PRKCB: variants seen among roughly 807,000 people sequenced by gnomAD.
PRKCB encodes protein kinase C beta.
PRKCB carries 13 observed loss-of-function variants against 81.5 expected under a neutral mutation model. That is an observed-to-expected ratio of 0.16 (90% CI 0.10 to 0.25). PRKCB has a LOEUF of 0.25. PRKCB is among the 10% of genes least tolerant of loss of function. The pLI is 1.00. For synonymous variants in PRKCB, 335 were observed against 321.4 expected, an observed-to-expected ratio of 1.04 and a Z score of -0.45; for missense variants, 509 against 875.7, an observed-to-expected ratio of 0.58 and a Z score of 5.29.
chr16:24,095,257 T>C (rs1966425860), intron 7 of PRKCB, among the ~76,000 whole-genome samples: 1 of 152,014 alleles, frequency 6.6e-6, no homozygotes, highest in Admixed American at 6.5e-5. Flanking sequence ...ACAGAGTTTT[T>C]TTATGACTCA....
chr16:24,176,436 T>C (rs1212694275), intron 12 of PRKCB, among the ~76,000 whole-genome samples: 1 of 152,124 alleles, frequency 6.6e-6, no homozygotes, highest in East Asian at 1.9e-4. Flanking sequence ...ATTTAAATTT[T>C]AAATAGTATG....
intron 2 of PRKCB, among the ~76,000 whole-genome samples, chr16:23,962,508 C>G (rs1964439550): frequency 6.6e-6 from 1 of 152,230 alleles, no homozygotes; most frequent in Non-Finnish European, 1.5e-5. Context: ...TTGGGAACCT[C>G]TAACCTGGTC....
intron 2 of PRKCB, among the ~76,000 whole-genome samples, chr16:23,961,577 C>G (rs1345506607): frequency 6.6e-6 from 1 of 152,188 alleles, no homozygotes; most frequent in Non-Finnish European, 1.5e-5. Context: ...GGGTTTCATT[C>G]TCATTGGCCT....
intron 2 of PRKCB, among the ~76,000 whole-genome samples, chr16:23,982,494 C>T (rs1439418797): frequency 1.3e-5 from 2 of 151,678 alleles, no homozygotes; most frequent in African/African-American, 2.4e-5. Context: ...TAACACAGCT[C>T]ACTACAGCCT....
chr16:23,926,095 T>G (rs1963892574), intron 2 of PRKCB, among the ~76,000 whole-genome samples: 1 of 151,836 alleles, frequency 6.6e-6, no homozygotes, highest in Non-Finnish European at 1.5e-5. Flanking sequence ...AGCAACTTGG[T>G]GAGACTCCGG....
chr16:24,105,781 G>A (rs962807573), intron 7 of PRKCB, among the ~76,000 whole-genome samples: 1 of 152,146 alleles, frequency 6.6e-6, no homozygotes, highest in Non-Finnish European at 1.5e-5. Flanking sequence ...TATCATTGAT[G>A]GGCATTTGGG....
At chr16:24,176,866 C>T (rs1490249667) in intron 12 of PRKCB, among the ~76,000 whole-genome samples, 1 of 150,634 alleles carries the variant, frequency 6.6e-6, no homozygotes, top group Non-Finnish European at 1.5e-5. Flanking sequence ...TGCACTCCAA[C>T]CTGGGCAACA....
intron 14 of PRKCB, 127 bp downstream of exon 14, chr16:24,185,318 GTCA>G: frequency 8.4e-7 from 1 of 1,189,068 alleles, no homozygotes; most frequent in Non-Finnish European, 1.2e-6. Flanking sequence ...CGGCCTTGGG[GTCA>G]TACAAGTCTG....
intron 9 of PRKCB, among the ~76,000 whole-genome samples, chr16:24,152,935 C>T (rs1967101058): frequency 6.6e-6 from 1 of 152,100 alleles, no homozygotes; most frequent in Middle Eastern, 3.4e-3. Context: ...CTAAGGTGTC[C>T]CAAATCCCTG....
intron 5 of PRKCB, among the ~76,000 whole-genome samples, chr16:24,072,618 G>C (rs1303382986): frequency 6.7e-6 from 1 of 148,302 alleles, no homozygotes; most frequent in Non-Finnish European, 1.5e-5. Flanking sequence ...TTTCCCTCTT[G>C]TCACCCAGGC....
intron 2 of PRKCB, among the ~76,000 whole-genome samples, chr16:23,882,021 T>TCTTTCTTTCTCTTTCTTC: frequency 1.8e-5 from 1 of 55,588 alleles, no homozygotes; most frequent in Non-Finnish European, 3.7e-5. Flanking sequence ...TTTCTTTCTT[T>TCTTTCTTTCTCTTTCTTC]CTTCCTTCCT....
At chr16:23,983,777 G>A (rs897770767) in intron 2 of PRKCB, among the ~76,000 whole-genome samples, 4 of 151,730 alleles carry the variant, frequency 2.6e-5, no homozygotes, top group Admixed American at 1.3e-4. Context: ...GTGCAGTGGC[G>A]TGATCTCGGC....
chr16:23,964,361 G>A (rs1964460930), intron 2 of PRKCB, among the ~76,000 whole-genome samples: 1 of 152,170 alleles, frequency 6.6e-6, no homozygotes, highest in Admixed American at 6.5e-5. Context: ...GTTTGTTTAT[G>A]CCTTATCTAT....
intron 2 of PRKCB, among the ~76,000 whole-genome samples, chr16:23,932,428 T>C (rs9302420): frequency 0.96 from 146,972 of 152,308 alleles, 70,952 homozygotes; most frequent in East Asian, 1. Context: ...GCATTTCCTA[T>C]TTTTTGGCAA....
At chr16:24,145,442 T>C (rs762334628) in intron 9 of PRKCB, among the ~76,000 whole-genome samples, 15 of 151,838 alleles carry the variant, frequency 9.9e-5, no homozygotes, top group Non-Finnish European at 1.6e-4. Context: ...GAGAATAGAA[T>C]GTTTATGAGA....
At chr16:23,916,968 G>T (rs1013595798) in intron 2 of PRKCB, among the ~76,000 whole-genome samples, 1 of 151,794 alleles carries the variant, frequency 6.6e-6, no homozygotes, top group Non-Finnish European at 1.5e-5. Context: ...TAGAGACAGG[G>T]TTTGTCCCTG....
intron 2 of PRKCB, among the ~76,000 whole-genome samples, chr16:23,981,145 T>G (rs1231107032): frequency 6.6e-6 from 1 of 152,132 alleles, no homozygotes; most frequent in African/African-American, 2.4e-5. Context: ...GAACAGCAGG[T>G]CTTCCGGGGC....
intron 7 of PRKCB, among the ~76,000 whole-genome samples, chr16:24,107,982 A>C (rs1966599433): frequency 6.6e-6 from 1 of 152,210 alleles, no homozygotes; most frequent in Non-Finnish European, 1.5e-5. Context: ...AGTTCTTCAA[A>C]TTATGGCAAA....
intron 7 of PRKCB, among the ~76,000 whole-genome samples, chr16:24,101,902 A>T (rs2141908371): frequency 6.6e-6 from 1 of 152,338 alleles, no homozygotes; most frequent in East Asian, 1.9e-4. Flanking sequence ...TTAGATGATC[A>T]TTTAATTCTC....
Sources: gnomAD v4.1 joint callset for allele counts (sites outside exome capture counted in the v4.1 genomes callset) on GRCh38, gnomAD v4.1.1 for gene constraint, MANE v1.5 for transcripts, NCBI Gene and HGNC (gene_info 2026-07-23, HGNC 2026-07-21) for gene names.